The following ZBED6 variants were observed in gnomAD, a reference collection of about 807,000 sequenced individuals.
ZBED6 encodes zinc finger BED-type containing 6.
ZBED6 carries 40 observed loss-of-function variants against 58.4 expected under a neutral mutation model. The ratio of observed to expected loss-of-function variants is 0.68; its 90% CI spans 0.53 to 0.89. The LOEUF (loss-of-function observed/expected upper bound fraction) is 0.89. Ranked by LOEUF, ZBED6 falls within the 40% of genes least tolerant of loss-of-function variation. The probability of loss-of-function intolerance (pLI) is 0.00; values close to 1 mark genes in which losing one functional copy is unlikely to be tolerated. For missense variants in ZBED6, 1,057 were observed against 1,003.9 expected, an observed-to-expected ratio of 1.05 and a Z score of -0.71; for synonymous variants, 439 against 350.6, an observed-to-expected ratio of 1.25 and a Z score of -2.82.
At chr1:203,831,756 C>G (rs369543345) in exon 8 of ZBED6, 8 of 1,612,110 alleles carry the variant, frequency 5.0e-6, no homozygotes, top group Non-Finnish European at 6.8e-6. Context: ...GACAGTAACT[C>G]TCTCCACCAA....
exon 3 of ZBED6, chr1:203,818,582 C>A: frequency 1.2e-6 from 2 of 1,613,978 alleles, no homozygotes; most frequent in African/African-American, 1.3e-5. Flanking sequence ...TGACAGCTGC[C>A]CATTCCGTCA....
At chr1:203,842,070 C>T (rs963054328) in intron 11 of ZBED6, among the ~76,000 whole-genome samples, 1 of 151,704 alleles carries the variant, frequency 6.6e-6, no homozygotes, top group East Asian at 1.9e-4. Flanking sequence ...CTCCTCACTT[C>T]CTAGACGGGA....
intron 16 of ZBED6, among the ~76,000 whole-genome samples, chr1:203,851,611 T>C (rs1250257793): frequency 6.6e-6 from 1 of 152,170 alleles, no homozygotes; most frequent in East Asian, 1.9e-4. Flanking sequence ...ATTACAGGCA[T>C]GAGCTACCAT....
At chr1:203,819,017 T>C (rs1572071695) in intron 3 of ZBED6, among the ~76,000 whole-genome samples, 1 of 148,982 alleles carries the variant, frequency 6.7e-6, no homozygotes, top group African/African-American at 2.5e-5. Context: ...TGCAGTGAGC[T>C]GAGATCGCAC....
chr1:203,797,922 A>G (rs1430394256), exon 1 of ZBED6: 1 of 1,535,960 alleles, frequency 6.5e-7, no homozygotes, highest in Non-Finnish European at 8.7e-7. Context: ...CAAGACCTCC[A>G]TTGTGTGGCA....
In ZBED6 at chr1:203,833,747, A is replaced by G. The variant is rs374825408; in HGVS notation, c.*3511-44A>G. On this transcript the variant is annotated intron_variant, in intron 8 of 16. Coordinates refer to ENST00000550078, the Ensembl canonical transcript of ZBED6. ...ACCCATTAGTAGTTACTGAATACAG[A>G]AAAATTGACTAAGGATAGAGAAATT... is the stretch of plus-strand genomic sequence containing the variant. 3.8e-6 allele frequency: 6 copies of G among 1,575,096 alleles called. No homozygotes were observed. The Admixed American group carries it at 1.1e-4, about 29-fold the overall frequency.
In ZBED6 at chr1:203,848,426, T is replaced by C; in HGVS notation, c.*4322+19T>C. On this transcript the variant is annotated intron_variant, in intron 13 of 16. Transcript: ENST00000550078. Reference sequence around the variant, plus strand: ...TAAAGAGGTAAATTTAAGATTATTGTATGGTTTTGTTCATGGCAAACAAAG... The same window carrying C: ...TAAAGAGGTAAATTTAAGATTATTGCATGGTTTTGTTCATGGCAAACAAAG... 6 of 1,589,824 alleles carry C rather than the reference T, an allele frequency of 3.8e-6. No homozygotes were observed. The highest frequency in any genetic ancestry group is 4.3e-6 in the Non-Finnish European group (5 of 1,165,064).
chr1:203,839,083 C>T (rs572437662), intron 10 of ZBED6, among the ~76,000 whole-genome samples: 1 of 152,034 alleles, frequency 6.6e-6, no homozygotes, highest in African/African-American at 2.4e-5. Context: ...AGCATGCTGG[C>T]GTGGAGATGA....
At position 203,850,039 on chromosome 1, in the gene ZBED6, A is replaced by C. The variant is rs550035692; in HGVS notation, c.*4638+13A>C. 1 of 1,613,418 alleles carries C rather than the reference A, an allele frequency of 6.2e-7. No homozygotes were observed. Among genetic ancestry groups the C allele is most frequent in the Admixed American group, 1.7e-5 (1 of 59,994 alleles). ...AAAAGGGGTAAAGGCAAGTATTTCT[A>C]TACTGTGTATTGCTTTAGGTTATCA... On this transcript the variant is annotated intron_variant, in intron 14 of 16. Coordinates refer to ENST00000550078, the Ensembl canonical transcript of ZBED6.
exon 8 of ZBED6, chr1:203,831,685 T>G: frequency 6.2e-7 from 1 of 1,612,816 alleles, no homozygotes; most frequent in Non-Finnish European, 8.5e-7. Context: ...GTTTCCAGTC[T>G]TTTACTCCAC....
intron 3 of ZBED6, among the ~76,000 whole-genome samples, chr1:203,819,650 T>G (rs1677812799): frequency 6.7e-6 from 1 of 148,944 alleles, no homozygotes; most frequent in South Asian, 2.2e-4. Context: ...TTCTCCTGCC[T>G]CAGCCTCCCG....
At chr1:203,804,115 G>T (rs1671364974) in intron 1 of ZBED6, among the ~76,000 whole-genome samples, 1 of 150,622 alleles carries the variant, frequency 6.6e-6, no homozygotes, top group Non-Finnish European at 1.5e-5. Context: ...ATTTAATGTG[G>T]GTCTTGCATA....
At chr1:203,805,451 A>C (rs1410950072) in intron 1 of ZBED6, among the ~76,000 whole-genome samples, 2 of 152,154 alleles carry the variant, frequency 1.3e-5, no homozygotes, top group African/African-American at 4.8e-5. Context: ...TTTAGTACAA[A>C]GAAAGCATTT....
chr1:203,805,775 A>C (rs995018780), intron 1 of ZBED6: 48 of 696,690 alleles, frequency 6.9e-5, no homozygotes, highest in Non-Finnish European at 1.2e-4. Context: ...AGTGTATCCA[A>C]CTCTGCTTCT....
intron 11 of ZBED6, among the ~76,000 whole-genome samples, chr1:203,843,917 G>A (rs1687171396): frequency 6.6e-6 from 1 of 151,912 alleles, no homozygotes; most frequent in South Asian, 2.1e-4. Context: ...GAGTGCAATG[G>A]TGCGATCTCG....
At chr1:203,797,697 C>A in exon 1 of ZBED6, 2 of 1,535,156 alleles carry the variant, frequency 1.3e-6, no homozygotes, top group Non-Finnish European at 1.7e-6. Flanking sequence ...GGCAAAACAG[C>A]CTGCTAAAAA....
rs369794878 is a variant in ZBED6, at chr1:203,833,877, T to G, written c.*3573+24T>G. The G allele has an allele frequency of 2.6e-4, 408 of 1,594,096 alleles. 1 individual carries two copies. Among genetic ancestry groups the G allele is most frequent in the Non-Finnish European group, 3.3e-4 (383 of 1,170,800 alleles). ...AGGTAAGATAAGTTTTGTGTATATC[T>G]TTTCTTTTCTACTTGTTTGTGCATT... On this transcript the variant is annotated intron_variant, in intron 9 of 16. Transcript: ENST00000550078.
chr1:203,831,805 C>T, intron 8 of ZBED6, 34 bp downstream of exon 8: 4 of 1,538,610 alleles, frequency 2.6e-6, no homozygotes, highest in East Asian at 2.3e-5. Flanking sequence ...GTTGTCAAGC[C>T]TCTACTTTTA....
exon 1 of ZBED6, chr1:203,799,403 A>G (rs1466678676): frequency 8.5e-6 from 6 of 703,086 alleles, no homozygotes; most frequent in Admixed American, 2.0e-5. Context: ...AGATACTGCA[A>G]GAGTTCCAAA....
Sources: gnomAD v4.1 joint callset for allele counts (sites outside exome capture counted in the v4.1 genomes callset) on GRCh38, gnomAD v4.1.1 for gene constraint, MANE v1.5 for transcripts, NCBI Gene and HGNC (gene_info 2026-07-23, HGNC 2026-07-21) for gene names.